PCSK5: variants seen among roughly 807,000 people sequenced by gnomAD.
PCSK5 encodes proprotein convertase subtilisin/kexin type 5, also known as prohormone convertase 5.
Under a neutral mutation model 233.2 loss-of-function variants are expected in PCSK5, and 129 were observed. The ratio of observed to expected loss-of-function variants is 0.55; its 90% CI spans 0.48 to 0.64. The LOEUF (loss-of-function observed/expected upper bound fraction) is 0.64. PCSK5 is among the 30% of genes least tolerant of loss of function. The probability of loss-of-function intolerance (pLI) is 0.00; values close to 1 mark genes in which losing one functional copy is unlikely to be tolerated. For missense variants in PCSK5, 2,076 were observed against 2,430.1 expected, an observed-to-expected ratio of 0.85 and a Z score of 3.06; for synonymous variants, 825 against 879.2, an observed-to-expected ratio of 0.94 and a Z score of 1.09.
chr9:75,945,462 TCCTGGTTAATTCCACCATCAGTGTTGA>T (rs1259423871), intron 2 of PCSK5, among the ~76,000 whole-genome samples: 3 of 152,198 alleles, frequency 2.0e-5, no homozygotes, highest in East Asian at 1.9e-4. Context: ...ACTGCCACCA[TCCTGGTTAATTCCACCATCAGTGTTGA>T]CCTGGTTAAT....
chr9:75,919,810 C>T lies in PCSK5; in HGVS notation c.193-12569C>T, dbSNP rs192586356. ...CCTAGTCTGGGCCCACTTTTGTGGTCGCCATGGTACAGGTGCTAACTCTAC... is the reference window on the plus strand; with the variant it reads ...CCTAGTCTGGGCCCACTTTTGTGGTTGCCATGGTACAGGTGCTAACTCTAC... On this transcript the variant is annotated intron_variant, in intron 1 of 37. Transcript: ENST00000674117. 2.4e-3 allele frequency among the ~76,000 whole-genome samples: 370 copies of T among 152,232 alleles called. 1 individual carries two copies. The highest frequency in any genetic ancestry group is 0.014 in the Middle Eastern group (4 of 294).
At chr9:76,301,539 A>G (rs1269423648) in intron 27 of PCSK5, among the ~76,000 whole-genome samples, 1 of 152,188 alleles carries the variant, frequency 6.6e-6, no homozygotes, top group East Asian at 1.9e-4. Flanking sequence ...TAAATATGCA[A>G]ACCATTGAAA....
In PCSK5 at chr9:76,225,220, A is replaced by G. The variant is rs191220791; in HGVS notation, c.2627-2283A>G. ...TTATAACTATCTATAAATCACTCGCATAAAATCTTTGAGAACCCACGAGTA... is the reference window on the plus strand; with the variant it reads ...TTATAACTATCTATAAATCACTCGCGTAAAATCTTTGAGAACCCACGAGTA... On this transcript the variant is annotated intron_variant, in intron 20 of 37. Transcript: ENST00000674117. Among the ~76,000 whole-genome samples, 1,007 of 152,352 alleles carry G rather than the reference A, an allele frequency of 6.6e-3. 14 individuals are homozygous for G. The highest frequency in any genetic ancestry group is 0.023 in the African/African-American group (965 of 41,578).
chr9:75,911,473 T>G (rs1370074082), intron 1 of PCSK5, among the ~76,000 whole-genome samples: 1 of 152,174 alleles, frequency 6.6e-6, no homozygotes, highest in Non-Finnish European at 1.5e-5. Flanking sequence ...AGCACTGTGC[T>G]AAGCCCTGAA....
intron 3 of PCSK5, among the ~76,000 whole-genome samples, chr9:76,013,303 C>T (rs1431785682): frequency 1.3e-5 from 2 of 152,194 alleles, no homozygotes; most frequent in Non-Finnish European, 2.9e-5. Context: ...CTTGAATGTG[C>T]ACAGCTTCAT....
intron 7 of PCSK5, among the ~76,000 whole-genome samples, chr9:76,082,404 C>G (rs1437155690): frequency 6.6e-6 from 1 of 152,200 alleles, no homozygotes; most frequent in Non-Finnish European, 1.5e-5. Context: ...GAATAAGAAG[C>G]TAAGACCCTG....
At position 75,917,249 on chromosome 9, in the gene PCSK5, A is replaced by G. The variant is rs951823371; in HGVS notation, c.193-15130A>G. Among the ~76,000 whole-genome samples, 17 of 152,236 alleles carry G rather than the reference A, an allele frequency of 1.1e-4. No individual in the cohort carries two copies. The East Asian group carries it at 2.9e-3, about 26-fold the overall frequency. On this transcript the variant is annotated intron_variant, in intron 1 of 37. Transcript: ENST00000674117. The stretch of plus-strand genomic sequence containing the variant: ...TTGGTGTTACATAGGATAAGACAGT[A>G]AGACAAAGACACATGGCCTGATGAG...
intron 7 of PCSK5, among the ~76,000 whole-genome samples, chr9:76,083,375 A>G (rs1178113371): frequency 1.3e-5 from 2 of 152,156 alleles, no homozygotes; most frequent in African/African-American, 2.4e-5. Context: ...ATCTACAAGT[A>G]TACTTTGAAG....
intron 3 of PCSK5, among the ~76,000 whole-genome samples, chr9:76,022,581 C>T (rs554987597): frequency 1.3e-5 from 2 of 152,180 alleles, no homozygotes; most frequent in Non-Finnish European, 2.9e-5. Flanking sequence ...CAACATCACA[C>T]ATCACACAGA....
chr9:76,275,425 TTTTG>T (rs1288128554), intron 24 of PCSK5, among the ~76,000 whole-genome samples: 2 of 152,034 alleles, frequency 1.3e-5, no homozygotes, highest in Non-Finnish European at 2.9e-5. Flanking sequence ...TTTGGGGGTT[TTTTG>T]TTTGTTTGTT....
chr9:76,291,641 T>C (rs1828280847), intron 24 of PCSK5, among the ~76,000 whole-genome samples: 1 of 152,204 alleles, frequency 6.6e-6, no homozygotes, highest in Admixed American at 6.5e-5. Flanking sequence ...CCCTGAAAGC[T>C]GCAGGAAAGA....
At chr9:75,932,555 G>C (rs1823859736) in intron 2 of PCSK5, 72 bp downstream of exon 2, 1 of 875,632 alleles carries the variant, frequency 1.1e-6, no homozygotes, top group African/African-American at 1.7e-5. Flanking sequence ...AACACACTAG[G>C]GGCTGAGGAC....
At chr9:76,292,747 T>A (rs1194354906) in intron 25 of PCSK5, among the ~76,000 whole-genome samples, 4 of 152,154 alleles carry the variant, frequency 2.6e-5, no homozygotes, top group Non-Finnish European at 4.4e-5. Flanking sequence ...TCACTCCCAA[T>A]GTACTCTAAA....
chr9:75,950,681 T>G (rs1824813923), intron 2 of PCSK5, among the ~76,000 whole-genome samples: 1 of 152,140 alleles, frequency 6.6e-6, no homozygotes, highest in Non-Finnish European at 1.5e-5. Flanking sequence ...AATGAGCTCC[T>G]GAAGGAAGCA....
chr9:76,023,330 A>G (rs1828281925), intron 3 of PCSK5, among the ~76,000 whole-genome samples: 1 of 152,092 alleles, frequency 6.6e-6, no homozygotes, highest in Non-Finnish European at 1.5e-5. Context: ...TTTTTACACT[A>G]GTAGACAATG....
intron 5 of PCSK5, among the ~76,000 whole-genome samples, chr9:76,040,373 C>CTG (rs1563988593): frequency 0.011 from 732 of 67,348 alleles, 5 homozygotes; most frequent in South Asian, 0.033. Flanking sequence ...CTCTCTCTCT[C>CTG]TCTCTCTCTC....
chr9:76,315,696 A>G (rs1829004123), intron 30 of PCSK5, among the ~76,000 whole-genome samples: 1 of 144,460 alleles, frequency 6.9e-6, no homozygotes, highest in Non-Finnish European at 1.5e-5. Flanking sequence ...GCAGTGGTGC[A>G]ATCTCAGCTC....
At chr9:76,316,022 G>A (rs1384529610) in intron 30 of PCSK5, among the ~76,000 whole-genome samples, 1 of 150,762 alleles carries the variant, frequency 6.6e-6, no homozygotes, top group East Asian at 1.9e-4. Context: ...TTCTGAGAGG[G>A]ATCTGAAAAA....
chr9:76,106,354 G>A (rs907936302), intron 8 of PCSK5, among the ~76,000 whole-genome samples: 12 of 152,176 alleles, frequency 7.9e-5, no homozygotes, highest in African/African-American at 2.9e-4. Flanking sequence ...AGCTATTAGA[G>A]TGGTTTCCAG....
Sources: allele counts gnomAD v4.1 joint callset (sites outside exome capture counted in the v4.1 genomes callset), GRCh38; gene constraint gnomAD v4.1.1; transcripts MANE v1.5; gene names NCBI Gene and HGNC (gene_info 2026-07-23, HGNC 2026-07-21).